The following FGF20 variants were observed in gnomAD, a reference collection of about 807,000 sequenced individuals.
The protein encoded by FGF20 is fibroblast growth factor 20.
In FGF20, 8 loss-of-function variants were observed where a neutral mutation model predicts 16.7. The ratio of observed to expected loss-of-function variants is 0.48; its 90% CI spans 0.28 to 0.87. The LOEUF is 0.87. Among genes scored for constraint, FGF20 ranks in the 40% least tolerant of loss-of-function variants. The pLI is 0.10. For missense variants in FGF20, 397 were observed against 281.4 expected, an observed-to-expected ratio of 1.41 and a Z score of -2.94; for synonymous variants, 161 against 118.6, an observed-to-expected ratio of 1.36 and a Z score of -2.32.
rs560178950 is a variant in FGF20 at position 17,001,936 on chromosome 8, G to A, written c.97C>T (p.Arg33Trp). The A allele has an allele frequency of 4.0e-6, 6 of 1,493,808 alleles. No individual in the cohort carries two copies. In the East Asian group the frequency reaches 1.5e-4, roughly 37 times the overall value. The allele number at this position is 1,493,808 out of a possible 1,614,324, so 92.5% of individuals were successfully genotyped here. The stretch of plus-strand genomic sequence containing the variant: ...CTGCGCTCGCCCAGCAGCGGCGGCC[G>A]CTCCCCGGCAGGAGGCAACAGGAAA... ...SHFLLPPAGE[R>W]PPLLGERRSA... The change falls in exon 1 of 3, where the codon CGG (arginine) becomes TGG (tryptophan). Residue 33 changes from arginine (R) to tryptophan (W), a missense_variant. Transcript: ENST00000180166.
At chr8:17,001,620 T>A (rs569414213) in intron 1 of FGF20, 127 bp downstream of exon 1, 1 of 1,145,610 alleles carries the variant, frequency 8.7e-7, no homozygotes, top group Non-Finnish European at 1.2e-6. Flanking sequence ...ACCGGATGGG[T>A]CCAGGGGAGC....
In FGF20 at chr8:17,001,943, G is replaced by A. The variant is rs926243609; in HGVS notation, c.90C>T (p.Ala30=). 7 of 1,498,000 alleles carry A rather than the reference G, an allele frequency of 4.7e-6. No individual in the cohort carries two copies. The highest frequency in any genetic ancestry group is 6.2e-6 in the Non-Finnish European group (7 of 1,125,022). 92.8% of individuals were successfully genotyped at this position (1,498,000 alleles called of 1,614,324 possible). ...CGCCCAGCAGCGGCGGCCGCTCCCC[G>A]GCAGGAGGCAACAGGAAATGCGAAC... ...QVGSHFLLPP[A]GERPPLLGER... The change falls in exon 1 of 3, where the codon GCC becomes GCT. Residue 30 remains alanine (A), a synonymous_variant. Coordinates refer to ENST00000180166, the MANE Select transcript of FGF20 (RefSeq NM_019851.3).
chr8:17,001,717 T>C (rs765621431), intron 1 of FGF20, 30 bp downstream of exon 1: 1 of 1,548,602 alleles, frequency 6.5e-7, no homozygotes, highest in Non-Finnish European at 8.7e-7. Context: ...GGGGCGCAGA[T>C]GGGGGTGGGG....
chr8:16,997,829 T>C (rs548979073), intron 1 of FGF20, among the ~76,000 whole-genome samples: 15 of 152,260 alleles, frequency 9.9e-5, no homozygotes, highest in Non-Finnish European at 1.8e-4. Context: ...GCCCAAAACA[T>C]AATTGGTAGA....
chr8:16,995,135 CT>C (rs1810013687), intron 2 of FGF20, among the ~76,000 whole-genome samples: 1 of 152,308 alleles, frequency 6.6e-6, no homozygotes, highest in African/African-American at 2.4e-5. Context: ...CCCATGGCTA[CT>C]GAAATTTTCA....
At chr8:16,994,820 T>C (rs1721098) in intron 2 of FGF20, among the ~76,000 whole-genome samples, 144,498 of 152,286 alleles carry the variant, frequency 0.95, 69,022 homozygotes, top group East Asian at 1. Flanking sequence ...GATACTGGCA[T>C]ACATTTTTAT....
chr8:16,997,336 T>A (rs1810079852), intron 1 of FGF20, among the ~76,000 whole-genome samples: 1 of 152,116 alleles, frequency 6.6e-6, no homozygotes, highest in Non-Finnish European at 1.5e-5. Context: ...CTTCACCCCA[T>A]CCTGAGCTCT....
At chr8:16,996,761 C>T (rs1327081893) in intron 1 of FGF20, among the ~76,000 whole-genome samples, 1 of 151,994 alleles carries the variant, frequency 6.6e-6, no homozygotes, top group Non-Finnish European at 1.5e-5. Context: ...TATTATTATC[C>T]CCATTTTACA....
Position 17,001,404 on chromosome 8 carries a change from A to G in FGF20, c.286+343T>C, listed in dbSNP as rs1205948661. On this transcript the variant is annotated intron_variant, in intron 1 of 2. Coordinates refer to ENST00000180166, the MANE Select transcript of FGF20 (RefSeq NM_019851.3). ...CGAGGTAAGCAGTGCGAGAACCGTG[A>G]TGCCGAGTGCACCAGGTCTTGGTGT... 2.0e-5 allele frequency among the ~76,000 whole-genome samples: 3 copies of G among 152,234 alleles called. 1 individual carries two copies. The highest frequency in any genetic ancestry group is 4.4e-5 in the Non-Finnish European group (3 of 68,030).
Position 16,998,416 on chromosome 8 carries a change from C to T in FGF20, c.287-2658G>A, listed in dbSNP as rs188729481. On this transcript the variant is annotated intron_variant, in intron 1 of 2. Transcript: ENST00000180166. ...TTCTCCTTGAGGAAATAGTATACCACGTAGTAATTTGTAATCATTTGATTC... is the reference window on the plus strand; with the variant it reads ...TTCTCCTTGAGGAAATAGTATACCATGTAGTAATTTGTAATCATTTGATTC... Among the ~76,000 whole-genome samples the T allele has an allele frequency of 8.7e-4, 132 of 152,180 alleles. 1 individual carries two copies. The Middle Eastern group carries it at 0.027, about 31-fold the overall frequency.
At position 16,992,583 on chromosome 8, in the gene FGF20, T is replaced by C. The variant is rs1809939049; in HGVS notation, c.*489A>G. On this transcript the variant is annotated 3_prime_UTR_variant, in exon 3 of 3. Coordinates refer to ENST00000180166, the MANE Select transcript of FGF20 (RefSeq NM_019851.3). ...GGTGTGGCATGTTTCATAGTTCATGTTTCACCCAGGTGTTGTTTAGTTTTT... is the reference window on the plus strand; with the variant it reads ...GGTGTGGCATGTTTCATAGTTCATGCTTCACCCAGGTGTTGTTTAGTTTTT... The C allele has an allele frequency of 6.6e-6, 1 of 152,050 alleles. No homozygotes were observed. The highest frequency in any genetic ancestry group is 2.4e-5 in the African/African-American group (1 of 41,422). 9.4% of individuals were successfully genotyped at this position (152,050 alleles called of 1,614,324 possible). A position where few individuals can be genotyped will look rare whatever the true frequency, so the allele number is the denominator to read the frequency against.
rs757700822 is a variant in FGF20, at chr8:16,995,688, A to G, written c.357T>C (p.Leu119=). ...AGAGTTCTCCTTTGTCATTCATTCC[A>G]AGATAGAGACCACTGTCCACACCTC... The part of the protein sequence containing the change: ...SIRGVDSGLY[L]GMNDKGELYG... The change falls in exon 2 of 3, where the codon CTT becomes CTC. Residue 119 remains leucine, a synonymous_variant. Transcript: ENST00000180166. 11 of 1,603,768 alleles carry G rather than the reference A, an allele frequency of 6.9e-6. No homozygotes were observed. The African/African-American group carries it at 9.4e-5, about 14-fold the overall frequency.
At chr8:16,995,528 T>A in intron 2 of FGF20, 127 bp downstream of exon 2, 2 of 449,226 alleles carry the variant, frequency 4.5e-6, no homozygotes, top group Non-Finnish European at 7.7e-6. Context: ...CAGGATAGAT[T>A]TCAATTTCTA....
At chr8:17,000,631 A>C (rs1322438571) in intron 1 of FGF20, among the ~76,000 whole-genome samples, 1 of 152,088 alleles carries the variant, frequency 6.6e-6, no homozygotes, top group Non-Finnish European at 1.5e-5. Flanking sequence ...CTAGCAGGTT[A>C]ACTAATAGAA....
At chr8:16,997,205 A>C (rs1810075690) in intron 1 of FGF20, among the ~76,000 whole-genome samples, 1 of 152,044 alleles carries the variant, frequency 6.6e-6, no homozygotes, top group South Asian at 2.1e-4. Flanking sequence ...TTTTTTCTGC[A>C]CACACTAAAC....
At chr8:16,995,258 T>C (rs1309163649) in intron 2 of FGF20, among the ~76,000 whole-genome samples, 1 of 152,212 alleles carries the variant, frequency 6.6e-6, no homozygotes, top group Non-Finnish European at 1.5e-5. Flanking sequence ...GTAAGTGACG[T>C]ATATTTAGCT....
chr8:16,999,466 G>C (rs1333853283), intron 1 of FGF20, among the ~76,000 whole-genome samples: 1 of 149,936 alleles, frequency 6.7e-6, no homozygotes, highest in Middle Eastern at 3.5e-3. Flanking sequence ...CAAAGTAAAA[G>C]AGGCCTTTTT....
chr8:17,001,496 C>G (rs1403815114), intron 1 of FGF20, among the ~76,000 whole-genome samples: 2 of 152,104 alleles, frequency 1.3e-5, no homozygotes, highest in Non-Finnish European at 2.9e-5. Context: ...CTTTCTCCTC[C>G]CGCCCCCAGC....
chr8:16,999,021 G>A (rs921939592), intron 1 of FGF20, among the ~76,000 whole-genome samples: 1 of 152,048 alleles, frequency 6.6e-6, no homozygotes, highest in Non-Finnish European at 1.5e-5. Flanking sequence ...ACTAGCAAAA[G>A]AAGCCAAACA....
Sources: gnomAD v4.1 joint callset for allele counts (sites outside exome capture counted in the v4.1 genomes callset) on GRCh38, gnomAD v4.1.1 for gene constraint, MANE v1.5 for transcripts, NCBI Gene and HGNC (gene_info 2026-07-23, HGNC 2026-07-21) for gene names.